ZFHX3: variants seen among roughly 807,000 people sequenced by gnomAD.
The protein encoded by ZFHX3 is zinc finger homeobox 3, also known as zinc finger homeobox protein 3.
A neutral mutation model predicts 279.1 loss-of-function variants in ZFHX3; 42 were observed. The ratio of observed to expected loss-of-function variants is 0.15; its 90% CI spans 0.12 to 0.19. The LOEUF (loss-of-function observed/expected upper bound fraction) is 0.19, where lower values mean the gene tolerates loss of function less well. ZFHX3 is among the 10% of genes least tolerant of loss of function. ZFHX3 has a pLI of 1.00. For synonymous variants in ZFHX3, 2,293 were observed against 1,957.8 expected, an observed-to-expected ratio of 1.17 and a Z score of -4.52; for missense variants, 4,981 against 4,754.0, an observed-to-expected ratio of 1.05 and a Z score of -1.40.
Position 73,702,804 on chromosome 16 carries a change from G to A in ZFHX3, c.-1607-22564C>T, listed in dbSNP as rs2142218244. Among the ~76,000 whole-genome samples the A allele has an allele frequency of 1.3e-5, 2 of 152,256 alleles. 1 individual carries two copies. Among genetic ancestry groups the A allele is most frequent in the South Asian group, 4.1e-4 (2 of 4,824 alleles). Reference sequence around the variant, plus strand: ...AAAGAGTTTCTTTTAAATTACAGATGTTCTTGAGATCATGTATCTAAGAGC... The same window carrying A: ...AAAGAGTTTCTTTTAAATTACAGATATTCTTGAGATCATGTATCTAAGAGC... On this transcript the variant is annotated intron_variant, in intron 1 of 17. Transcript: ENST00000641206.
chr16:73,866,430 T>C (rs1309603029), intron 1 of ZFHX3, among the ~76,000 whole-genome samples: 3 of 151,948 alleles, frequency 2.0e-5, no homozygotes, highest in Non-Finnish European at 4.4e-5. Context: ...CCCAAAGTGC[T>C]GGGATTACAG....
intron 2 of ZFHX3, among the ~76,000 whole-genome samples, chr16:73,660,810 G>C (rs2052774843): frequency 6.6e-6 from 1 of 152,160 alleles, no homozygotes; most frequent in African/African-American, 2.4e-5. Context: ...GATAATGATT[G>C]TTAAAATAAA....
intron 5 of ZFHX3, among the ~76,000 whole-genome samples, chr16:73,187,174 T>A (rs76829782): frequency 2.7e-4 from 24 of 89,288 alleles, no homozygotes; most frequent in Non-Finnish European, 4.3e-4. Context: ...ACACACACAC[T>A]CACTCAGTGG....
At chr16:73,543,567 A>G (rs1416684216) in intron 2 of ZFHX3, among the ~76,000 whole-genome samples, 1 of 152,180 alleles carries the variant, frequency 6.6e-6, no homozygotes, top group Non-Finnish European at 1.5e-5. Flanking sequence ...CTGGGAATCC[A>G]TAAAGCTGGC....
intron 2 of ZFHX3, among the ~76,000 whole-genome samples, chr16:73,515,501 AG>A (rs2019504261): frequency 2.0e-5 from 3 of 151,142 alleles, no homozygotes; most frequent in Non-Finnish European, 4.4e-5. Flanking sequence ...GAGAGGAGAG[AG>A]AGAAAGAGAG....
chr16:72,943,037 T>C (rs1960487092), intron 3 of ZFHX3, among the ~76,000 whole-genome samples: 2 of 152,200 alleles, frequency 1.3e-5, no homozygotes, highest in Non-Finnish European at 2.9e-5. Context: ...TATGTTCTGA[T>C]TTACCTAAAT....
chr16:73,090,674 C>T (rs1181185624), intron 8 of ZFHX3, among the ~76,000 whole-genome samples: 1 of 151,276 alleles, frequency 6.6e-6, no homozygotes, highest in Non-Finnish European at 1.5e-5. Flanking sequence ...ATTGCTTGAG[C>T]CCAGGAGTTC....
intron 1 of ZFHX3, among the ~76,000 whole-genome samples, chr16:73,889,369 G>C (rs1165600880): frequency 6.6e-6 from 1 of 152,148 alleles, no homozygotes; most frequent in Non-Finnish European, 1.5e-5. Context: ...TAGTATCCGT[G>C]CACAGTGTTC....
At chr16:73,716,655 G>GCACA (rs1567560122) in intron 1 of ZFHX3, among the ~76,000 whole-genome samples, 33 of 100,622 alleles carry the variant, frequency 3.3e-4, no homozygotes, top group African/African-American at 6.4e-4. Flanking sequence ...ACACACGCAT[G>GCACA]CACGCACGCA....
At chr16:73,322,632 A>T (rs2015599021) in intron 3 of ZFHX3, among the ~76,000 whole-genome samples, 1 of 152,226 alleles carries the variant, frequency 6.6e-6, no homozygotes, top group African/African-American at 2.4e-5. Context: ...AACAGAAAAC[A>T]CTGAACTCCA....
intron 5 of ZFHX3, among the ~76,000 whole-genome samples, chr16:73,214,098 G>T (rs186616205): frequency 6.6e-6 from 1 of 152,256 alleles, no homozygotes; most frequent in Admixed American, 6.5e-5. Flanking sequence ...TAGGGGGAAG[G>T]GGGAGGACCC....
At chr16:73,874,375 G>T (rs531140633) in intron 1 of ZFHX3, among the ~76,000 whole-genome samples, 1 of 152,096 alleles carries the variant, frequency 6.6e-6, no homozygotes, top group Admixed American at 6.6e-5. Context: ...TTTAACCCCC[G>T]ACTGAGTTCT....
chr16:73,143,198 C>T (rs575782096), intron 6 of ZFHX3, among the ~76,000 whole-genome samples: 6 of 151,682 alleles, frequency 4.0e-5, no homozygotes, highest in African/African-American at 9.7e-5. Flanking sequence ...GATCCCTTGA[C>T]GGAGGTTAGA....
At chr16:73,262,497 T>G (rs1031344825) in intron 4 of ZFHX3, among the ~76,000 whole-genome samples, 1 of 152,170 alleles carries the variant, frequency 6.6e-6, no homozygotes, top group African/African-American at 2.4e-5. Flanking sequence ...TGCCTCAGTT[T>G]CCTCTAGAGC....
chr16:73,885,637 G>A lies in ZFHX3; in HGVS notation c.-1608+6014C>T, dbSNP rs116419954. On this transcript the variant is annotated intron_variant, in intron 1 of 17. Transcript: ENST00000641206. The stretch of plus-strand genomic sequence containing the variant: ...AAAACAGTAACAAAAAAAGGTGATG[G>A]GAGAAGGGCTACTGAATAATAATAA... Among the ~76,000 whole-genome samples the A allele has an allele frequency of 7.8e-3, 1,192 of 152,268 alleles. 20 individuals are homozygous for A. The highest frequency in any genetic ancestry group is 0.027 in the African/African-American group (1,135 of 41,548).
At chr16:73,762,981 A>C (rs1488367582) in intron 1 of ZFHX3, among the ~76,000 whole-genome samples, 1 of 152,188 alleles carries the variant, frequency 6.6e-6, no homozygotes, top group Non-Finnish European at 1.5e-5. Flanking sequence ...CTAGAACTTA[A>C]AATATTAATA....
chr16:73,511,246 C>T (rs1290203860), intron 2 of ZFHX3, among the ~76,000 whole-genome samples: 1 of 152,182 alleles, frequency 6.6e-6, no homozygotes, highest in Non-Finnish European at 1.5e-5. Flanking sequence ...TAGCAGTGGC[C>T]AACTCAACAA....
chr16:73,855,756 A>G (rs1281673504), intron 1 of ZFHX3, among the ~76,000 whole-genome samples: 1 of 152,212 alleles, frequency 6.6e-6, no homozygotes, highest in African/African-American at 2.4e-5. Flanking sequence ...TCTCATCATC[A>G]TCTTGGAGAA....
intron 2 of ZFHX3, among the ~76,000 whole-genome samples, chr16:73,485,360 A>T (rs186312876): frequency 1.1e-3 from 169 of 150,942 alleles, no homozygotes; most frequent in South Asian, 1.7e-3. Context: ...AATGAAGAAC[A>T]TTCAGCTGTT....
Sources: allele counts gnomAD v4.1 joint callset (sites outside exome capture counted in the v4.1 genomes callset), GRCh38; gene constraint gnomAD v4.1.1; transcripts MANE v1.5; gene names NCBI Gene and HGNC (gene_info 2026-07-23, HGNC 2026-07-21).